MMP16: variants seen among roughly 807,000 people sequenced by gnomAD.
The protein encoded by MMP16 is matrix metallopeptidase 16, also known as matrix metalloproteinase-16.
A neutral mutation model predicts 67.8 loss-of-function variants in MMP16; 12 were observed. That is an observed-to-expected ratio of 0.18 (90% CI 0.11 to 0.29). MMP16 has a LOEUF of 0.29. Ranked by LOEUF, MMP16 falls within the 10% of genes least tolerant of loss-of-function variation. The probability of loss-of-function intolerance (pLI) is 1.00; values close to 1 mark genes in which losing one functional copy is unlikely to be tolerated. For missense variants in MMP16, 475 were observed against 765.7 expected (o/e 0.62, Z 4.48); for synonymous variants, 249 against 255.9 (o/e 0.97, Z 0.26).
At chr8:88,327,019 T>A (rs1316377816) in intron 1 of MMP16, 56 bp downstream of exon 1, 13 of 1,606,920 alleles carry the variant, frequency 8.1e-6, no homozygotes, top group Non-Finnish European at 1.1e-5. Context: ...GTGAAGGAAA[T>A]GTTTCAGGGA....
At chr8:88,326,085 T>G (rs887750598) in intron 1 of MMP16, among the ~76,000 whole-genome samples, 1 of 152,020 alleles carries the variant, frequency 6.6e-6, no homozygotes, top group African/African-American at 2.4e-5. Context: ...TTATTCATAA[T>G]TCGTTTGAGA....
chr8:88,236,692 T>C (rs1809945889), intron 1 of MMP16, among the ~76,000 whole-genome samples: 1 of 151,994 alleles, frequency 6.6e-6, no homozygotes, highest in African/African-American at 2.4e-5. Context: ...GAGGCTGCAG[T>C]GAGCCGAGAT....
At chr8:88,184,465 A>G (rs1809034038) in intron 3 of MMP16, among the ~76,000 whole-genome samples, 1 of 143,616 alleles carries the variant, frequency 7.0e-6, no homozygotes, top group Non-Finnish European at 1.5e-5. Flanking sequence ...GTGGTGGCTC[A>G]CTCCTGTAAT....
chr8:88,095,929 T>C (rs1809018991), intron 6 of MMP16, among the ~76,000 whole-genome samples: 1 of 151,974 alleles, frequency 6.6e-6, no homozygotes, highest in Non-Finnish European at 1.5e-5. Flanking sequence ...AACTGTAACT[T>C]GTTCAAACTT....
At chr8:88,113,893 C>T (rs971231825) in intron 6 of MMP16, among the ~76,000 whole-genome samples, 4 of 152,024 alleles carry the variant, frequency 2.6e-5, no homozygotes, top group African/African-American at 9.6e-5. Context: ...ATAAATATTT[C>T]TTGAATACTT....
chr8:88,283,243 A>C (rs901701390), intron 1 of MMP16, among the ~76,000 whole-genome samples: 2 of 152,178 alleles, frequency 1.3e-5, no homozygotes, highest in Non-Finnish European at 2.9e-5. Context: ...CATTCTACTC[A>C]TATTCTTCAT....
At chr8:88,069,451 GT>G (rs763066370) in intron 7 of MMP16, 4 of 531,368 alleles carry the variant, frequency 7.5e-6, no homozygotes, top group African/African-American at 3.9e-5. Flanking sequence ...GACTGCCTTT[GT>G]TCTAGAATCC....
chr8:88,180,057 G>A (rs1435654834), intron 3 of MMP16, among the ~76,000 whole-genome samples: 5 of 152,072 alleles, frequency 3.3e-5, no homozygotes, highest in Admixed American at 1.3e-4. Context: ...CGAGGCAGGC[G>A]GATCACCTGA....
chr8:88,135,044 T>C (rs1018843406), intron 4 of MMP16, among the ~76,000 whole-genome samples: 16 of 151,758 alleles, frequency 1.1e-4, no homozygotes, highest in African/African-American at 3.9e-4. Context: ...ACTATTCCAT[T>C]GAATTTTTAT....
intron 6 of MMP16, among the ~76,000 whole-genome samples, chr8:88,106,000 A>G (rs905563375): frequency 3.1e-5 from 4 of 128,736 alleles, no homozygotes; most frequent in Admixed American, 7.1e-5. Context: ...ATATGCAAAT[A>G]CATATACACA....
chr8:88,092,406 C>T (rs1276313848), intron 6 of MMP16, among the ~76,000 whole-genome samples: 1 of 151,870 alleles, frequency 6.6e-6, no homozygotes, highest in Non-Finnish European at 1.5e-5. Flanking sequence ...ACAGTATCTT[C>T]CTTTCCACAT....
chr8:88,303,964 A>G (rs1811173468), intron 1 of MMP16, among the ~76,000 whole-genome samples: 1 of 152,214 alleles, frequency 6.6e-6, no homozygotes, highest in South Asian at 2.1e-4. Flanking sequence ...AACTGATGGA[A>G]GTAGGCTTCA....
intron 6 of MMP16, among the ~76,000 whole-genome samples, chr8:88,103,466 C>T (rs1209732889): frequency 6.6e-6 from 1 of 151,794 alleles, no homozygotes; most frequent in African/African-American, 2.4e-5. Flanking sequence ...TTATAAGCTT[C>T]CTGAGAGTAA....
chr8:88,120,087 C>T (rs1807793128), intron 4 of MMP16, among the ~76,000 whole-genome samples: 1 of 151,766 alleles, frequency 6.6e-6, no homozygotes, highest in African/African-American at 2.4e-5. Flanking sequence ...AAAAATGAGC[C>T]ACTGACAGTA....
At chr8:88,195,528 T>C (rs1809235599) in intron 2 of MMP16, among the ~76,000 whole-genome samples, 1 of 152,184 alleles carries the variant, frequency 6.6e-6, no homozygotes, top group Non-Finnish European at 1.5e-5. Flanking sequence ...ACAATTTAAA[T>C]GGAATTTGGT....
At chr8:88,091,807 A>G (rs1563529049) in intron 6 of MMP16, among the ~76,000 whole-genome samples, 1 of 151,894 alleles carries the variant, frequency 6.6e-6, no homozygotes, top group Non-Finnish European at 1.5e-5. Flanking sequence ...AACTAAATCT[A>G]ATTTAAAAAT....
intron 2 of MMP16, among the ~76,000 whole-genome samples, chr8:88,187,287 TTTTAA>T (rs1408362225): frequency 1.3e-5 from 2 of 152,188 alleles, no homozygotes; most frequent in African/African-American, 2.4e-5. Context: ...GAAATGCTGC[TTTTAA>T]TTTATTAATC....
chr8:88,068,995 C>T (rs1399752972), intron 7 of MMP16, among the ~76,000 whole-genome samples: 2 of 152,150 alleles, frequency 1.3e-5, no homozygotes, highest in Non-Finnish European at 2.9e-5. Flanking sequence ...AGCCACCTTA[C>T]CCGGCCAAAA....
At chr8:88,085,184 CTTAA>C (rs2118322803) in intron 6 of MMP16, among the ~76,000 whole-genome samples, 1 of 152,026 alleles carries the variant, frequency 6.6e-6, no homozygotes, top group South Asian at 2.1e-4. Context: ...GACATTTACA[CTTAA>C]TTAACTGTAT....
Sources: allele counts gnomAD v4.1 joint callset (sites outside exome capture counted in the v4.1 genomes callset), GRCh38; gene constraint gnomAD v4.1.1; transcripts MANE v1.5; gene names NCBI Gene and HGNC (gene_info 2026-07-23, HGNC 2026-07-21).